Variants in PCDH11X observed in about 807,000 individuals in gnomAD.
PCDH11X encodes protocadherin 11 X-linked, also known as protocadherin-11 X-linked.
Under a neutral mutation model 53.3 loss-of-function variants are expected in PCDH11X, and 18 were observed. That is an observed-to-expected ratio of 0.34 (90% CI 0.23 to 0.50). The LOEUF (loss-of-function observed/expected upper bound fraction) is 0.50. Among genes scored for constraint, PCDH11X ranks in the 20% least tolerant of loss-of-function variants. The pLI is 0.98. For missense variants in PCDH11X, 570 were observed against 1,032.4 expected, an observed-to-expected ratio of 0.55 and a Z score of 6.14; for synonymous variants, 279 against 393.3, an observed-to-expected ratio of 0.71 and a Z score of 3.44.
chrX:92,521,364 G>A (rs774548180), intron 10 of PCDH11X, among the ~76,000 whole-genome samples: 2 of 111,487 alleles, frequency 1.8e-5, no homozygotes, highest in East Asian at 2.8e-4. Flanking sequence ...GACTGACCAG[G>A]TACATTGGCA....
intron 4 of PCDH11X, among the ~76,000 whole-genome samples, chrX:91,830,557 C>T (rs188981014): frequency 3.6e-4 from 40 of 110,483 alleles, no homozygotes; most frequent in Non-Finnish European, 7.0e-4. Flanking sequence ...TGTCTTTCTC[C>T]CAATGTGGTT....
intron 10 of PCDH11X, among the ~76,000 whole-genome samples, chrX:92,497,898 TA>T (rs1195463998): frequency 9.0e-6 from 1 of 111,715 alleles, no homozygotes; most frequent in African/African-American, 3.2e-5. Context: ...TATGCTGTCG[TA>T]AAGGTTGCTA....
intron 10 of PCDH11X, among the ~76,000 whole-genome samples, chrX:92,497,800 T>C (rs941355367): frequency 9.1e-6 from 1 of 110,257 alleles, no homozygotes; most frequent in African/African-American, 3.3e-5. Flanking sequence ...ACCATTACAA[T>C]AGAGAATGAT....
intron 6 of PCDH11X, among the ~76,000 whole-genome samples, chrX:91,885,264 A>G (rs1436275024): frequency 2.7e-5 from 3 of 111,333 alleles, no homozygotes; most frequent in African/African-American, 9.8e-5. Context: ...AGTTATTCAC[A>G]TAGAACAAGT....
At chrX:92,326,368 A>G (rs1449966658) in intron 8 of PCDH11X, among the ~76,000 whole-genome samples, 2 of 105,182 alleles carry the variant, frequency 1.9e-5, no homozygotes, top group African/African-American at 7.0e-5. Context: ...TGGCATTGAA[A>G]TTCAGAGGGT....
At chrX:91,936,230 G>A (rs2061442925) in intron 6 of PCDH11X, among the ~76,000 whole-genome samples, 1 of 108,775 alleles carries the variant, frequency 9.2e-6, no homozygotes, top group African/African-American at 3.4e-5. Flanking sequence ...CAATCCAGAG[G>A]GGGTGCGATG....
intron 5 of PCDH11X, among the ~76,000 whole-genome samples, chrX:91,874,234 G>A (rs1320783241): frequency 9.0e-6 from 1 of 111,227 alleles, no homozygotes; most frequent in Non-Finnish European, 1.9e-5. Context: ...CACTAAATTT[G>A]TTTAGATCAA....
At chrX:92,436,730 A>G (rs149333504) in intron 9 of PCDH11X, among the ~76,000 whole-genome samples, 3,068 of 111,052 alleles carry the variant, frequency 0.028, 69 homozygotes, top group African/African-American at 0.078. Context: ...AAAACCAAAT[A>G]CAACATGTTC....
intron 10 of PCDH11X, among the ~76,000 whole-genome samples, chrX:92,502,110 T>A (rs2073970079): frequency 9.1e-6 from 1 of 110,361 alleles, no homozygotes; most frequent in Non-Finnish European, 1.9e-5. Context: ...GAATGAACTA[T>A]CATTCATAAT....
At position 92,201,533 on chromosome X, in the gene PCDH11X, G is replaced by A. The variant is rs1194125761; in HGVS notation, c.3114+78G>A. On this transcript the variant is annotated intron_variant, in intron 7 of 10. Coordinates refer to ENST00000682573, the MANE Select transcript of PCDH11X (RefSeq NM_032968.5). Reference sequence around the variant, plus strand: ...ATAAATGTATAAGGAATACTCTTAAGTAGTGTGCATAATGTGTATTCCCTT... The same window carrying A: ...ATAAATGTATAAGGAATACTCTTAAATAGTGTGCATAATGTGTATTCCCTT... 36 of 600,516 alleles carry A rather than the reference G, an allele frequency of 6.0e-5. No homozygotes were observed. In the Middle Eastern group the frequency reaches 9.6e-4, roughly 16 times the overall value. The allele number at this position is 600,516 out of a possible 1,213,427, so 49.5% of individuals were successfully genotyped here.
intron 6 of PCDH11X, among the ~76,000 whole-genome samples, chrX:92,078,768 T>C (rs2063812638): frequency 9.0e-6 from 1 of 111,231 alleles, no homozygotes; most frequent in East Asian, 2.8e-4. Flanking sequence ...GCTGCTTCAT[T>C]GATATTGTCA....
At chrX:92,009,953 C>T (rs2062663102) in intron 6 of PCDH11X, among the ~76,000 whole-genome samples, 2 of 110,382 alleles carry the variant, frequency 1.8e-5, no homozygotes. Context: ...GATCTGCCTG[C>T]CTCGGCCTCC....
chrX:92,123,488 G>A (rs2064808618), intron 6 of PCDH11X, among the ~76,000 whole-genome samples: 2 of 111,042 alleles, frequency 1.8e-5, no homozygotes, highest in African/African-American at 6.5e-5. Flanking sequence ...CTATGCATAT[G>A]ACTCTCCTTT....
chrX:92,003,364 G>A (rs1394482185), intron 6 of PCDH11X, among the ~76,000 whole-genome samples: 1 of 109,631 alleles, frequency 9.1e-6, no homozygotes, highest in Admixed American at 9.8e-5. Flanking sequence ...TGTCAGTCTG[G>A]TTTTGGTATC....
intron 7 of PCDH11X, among the ~76,000 whole-genome samples, chrX:92,252,338 A>G (rs1177231538): frequency 1.8e-5 from 2 of 109,777 alleles, no homozygotes; most frequent in African/African-American, 6.8e-5. Flanking sequence ...TACCTGCATT[A>G]GCAACCTGAC....
intron 10 of PCDH11X, among the ~76,000 whole-genome samples, chrX:92,612,545 C>T (rs1927504124): frequency 9.1e-6 from 1 of 109,552 alleles, no homozygotes; most frequent in Non-Finnish European, 1.9e-5. Flanking sequence ...TGTATGATTT[C>T]AATTTTTTTA....
rs1478783093 is a variant in PCDH11X at position 92,152,791 on chromosome X, G to GTATT, written c.3034-48581_3034-48580insTTAT. Reference sequence around the variant, plus strand: ...TGTATGTATGTATGTATGTATGTATGTATGTATTTATTTATTTATTTTTTG... The same window carrying GTATT: ...TGTATGTATGTATGTATGTATGTATGTATTTATGTATTTATTTATTTATTTTTTG... On this transcript the variant is annotated intron_variant, in intron 6 of 10. Transcript: ENST00000682573. 1.1e-3 allele frequency among the ~76,000 whole-genome samples: 80 copies of GTATT among 72,528 alleles called. No individual in the cohort carries two copies. In the South Asian group the frequency reaches 0.02, roughly 18 times the overall value. 63.0% of individuals were successfully genotyped at this position (72,528 alleles called of 115,157 possible).
At chrX:92,256,029 C>T (rs956289263) in intron 7 of PCDH11X, among the ~76,000 whole-genome samples, 98 of 112,307 alleles carry the variant, frequency 8.7e-4, no homozygotes, top group Non-Finnish European at 1.6e-3. Context: ...GCCCCTCCCC[C>T]AGCCTCGCTG....
At chrX:92,613,859 T>G (rs1210104000) in intron 10 of PCDH11X, among the ~76,000 whole-genome samples, 1 of 110,333 alleles carries the variant, frequency 9.1e-6, no homozygotes. Context: ...TTCTTCTTTA[T>G]TTTTATCTGG....
Sources: allele counts gnomAD v4.1 joint callset (sites outside exome capture counted in the v4.1 genomes callset), GRCh38; gene constraint gnomAD v4.1.1; transcripts MANE v1.5; gene names NCBI Gene and HGNC (gene_info 2026-07-23, HGNC 2026-07-21).